The following ATP11C variants were observed in gnomAD, a reference collection of about 807,000 sequenced individuals.
ATP11C encodes phospholipid-transporting ATPase IG.
ATP11C carries 36 observed loss-of-function variants against 97.4 expected under a neutral mutation model. That is an observed-to-expected ratio of 0.37 (90% CI 0.28 to 0.49). The LOEUF (loss-of-function observed/expected upper bound fraction) is 0.49, where lower values mean the gene tolerates loss of function less well. ATP11C is among the 20% of genes least tolerant of loss of function. The pLI, the probability that ATP11C is intolerant of heterozygous loss-of-function variation, is 0.98. For missense variants in ATP11C, 730 were observed against 824.6 expected (o/e 0.89, Z 1.40); for synonymous variants, 275 against 290.9 (o/e 0.95, Z 0.56).
chrX:139,782,775 A>G (rs1361616554), intron 17 of ATP11C, 47 bp from the exon 18 acceptor site: 17 of 882,429 alleles, frequency 1.9e-5, no homozygotes, highest in Non-Finnish European at 2.7e-5. Flanking sequence ...AATAGTTGGA[A>G]AAAAAAAAAA....
chrX:139,871,103 A>ATG (rs1032955271), intron 1 of ATP11C, among the ~76,000 whole-genome samples: 3 of 106,642 alleles, frequency 2.8e-5, no homozygotes, highest in Non-Finnish European at 5.8e-5. Context: ...CACTGTGTAT[A>ATG]TGTGTGTGTG....
At chrX:139,871,550 A>C in intron 1 of ATP11C, among the ~76,000 whole-genome samples, 1 of 78,142 alleles carries the variant, frequency 1.3e-5, no homozygotes, top group Non-Finnish European at 2.4e-5. Context: ...ACAGGGTCTC[A>C]CTCTGGTTGT....
chrX:139,911,383 A>C (rs770318630), intron 1 of ATP11C, among the ~76,000 whole-genome samples: 2 of 112,306 alleles, frequency 1.8e-5, no homozygotes, highest in African/African-American at 6.5e-5. Flanking sequence ...GTTTAACTTC[A>C]TTAGTAATCA....
rs373248470 is a variant in ATP11C at position 139,774,812 on chromosome X, T to C, written c.2094A>G (p.Leu698=). ...CRLFQTNTEL[L]ELTTKTIEES... Reference sequence around the variant, plus strand: ...CTTCAATGGTTTTTGTGGTTAGTTCTAAGAGCTCAGTGTTGGTCTGGAAAA... The same window carrying C: ...CTTCAATGGTTTTTGTGGTTAGTTCCAAGAGCTCAGTGTTGGTCTGGAAAA... The change falls in exon 19 of 30, where the codon TTA becomes TTG. Residue 698 remains leucine, a synonymous_variant. Coordinates refer to ENST00000682941, the MANE Select transcript of ATP11C (RefSeq NM_001353812.2). The C allele has an allele frequency of 8.3e-7, 1 of 1,210,560 alleles. No individual in the cohort carries two copies. The highest frequency in any genetic ancestry group is 1.7e-5 in the African/African-American group (1 of 57,296).
intron 1 of ATP11C, among the ~76,000 whole-genome samples, chrX:139,918,862 G>A (rs1454603123): frequency 1.8e-5 from 2 of 110,835 alleles, no homozygotes; most frequent in African/African-American, 6.6e-5. Context: ...CTAGAGATCT[G>A]TTGCATACAA....
At chrX:139,930,150 C>G (rs1037843746) in intron 1 of ATP11C, among the ~76,000 whole-genome samples, 4 of 111,316 alleles carry the variant, frequency 3.6e-5, no homozygotes, top group Non-Finnish European at 7.5e-5. Flanking sequence ...TGATTCTCTG[C>G]TGAGATCTTG....
rs372027127 is a variant in ATP11C, at chrX:139,932,082, G to A, written c.-40C>T. On this transcript the variant is annotated 5_prime_UTR_variant, in exon 1 of 30. Coordinates refer to ENST00000682941, the MANE Select transcript of ATP11C (RefSeq NM_001353812.2). ...CCGGGCGCTGAGCTGGGCTCTACCGGGCTGTCTGGGAAGGCGCCGTCCACA... is the reference window on the plus strand; with the variant it reads ...CCGGGCGCTGAGCTGGGCTCTACCGAGCTGTCTGGGAAGGCGCCGTCCACA... 2 of 1,134,410 alleles carry A rather than the reference G, an allele frequency of 1.8e-6. No individual in the cohort carries two copies. Among genetic ancestry groups the A allele is most frequent in the African/African-American group, 1.8e-5 (1 of 55,500 alleles). 93.5% of individuals were successfully genotyped at this position (1,134,410 alleles called of 1,213,427 possible).
At chrX:139,781,670 T>C (rs1474342380) in intron 18 of ATP11C, among the ~76,000 whole-genome samples, 1 of 111,703 alleles carries the variant, frequency 9.0e-6, no homozygotes, top group Non-Finnish European at 1.9e-5. Flanking sequence ...TGAGCCGAGA[T>C]TGTGCCACTG....
rs140156289 is a variant in ATP11C at position 139,853,644 on chromosome X, G to A, written c.28-26821C>T. On this transcript the variant is annotated intron_variant, in intron 1 of 29. Transcript: ENST00000682941. ...GTCAGTGTAAACAAGGACGTAGCCCGAAAGCACTGAGGCCATGGACAACCC... is the reference window on the plus strand; with the variant it reads ...GTCAGTGTAAACAAGGACGTAGCCCAAAAGCACTGAGGCCATGGACAACCC... 5.5e-3 allele frequency among the ~76,000 whole-genome samples: 610 copies of A among 109,947 alleles called. 10 individuals are homozygous for A. The highest frequency in any genetic ancestry group is 0.018 in the African/African-American group (556 of 30,223).
intron 2 of ATP11C, among the ~76,000 whole-genome samples, chrX:139,820,043 C>T (rs1411527521): frequency 1.8e-5 from 2 of 111,294 alleles, no homozygotes; most frequent in Admixed American, 9.5e-5. Context: ...AAAAATTAGC[C>T]GGGTGTGGTG....
intron 1 of ATP11C, among the ~76,000 whole-genome samples, chrX:139,920,092 G>T (rs1364227174): frequency 9.0e-6 from 1 of 111,307 alleles, no homozygotes; most frequent in Non-Finnish European, 1.9e-5. Context: ...GGGCGCGGTG[G>T]CTCACGCCTA....
At chrX:139,806,291 A>C (rs150961350) in intron 5 of ATP11C, among the ~76,000 whole-genome samples, 1,632 of 111,818 alleles carry the variant, frequency 0.015, 22 homozygotes, top group Admixed American at 0.041. Context: ...AACATGATCT[A>C]GTTAGACAAT....
chrX:139,769,511 T>C (rs1018813280), intron 19 of ATP11C, among the ~76,000 whole-genome samples: 7 of 106,272 alleles, frequency 6.6e-5, no homozygotes, highest in South Asian at 4.3e-4. Context: ...GTGGTTCTCA[T>C]GTGTAGCCAG....
intron 1 of ATP11C, among the ~76,000 whole-genome samples, chrX:139,827,270 C>T (rs2083550740): frequency 1.8e-5 from 2 of 112,084 alleles, no homozygotes; most frequent in African/African-American, 3.2e-5. Context: ...ATGCAGATTA[C>T]TTCTAAACAC....
chrX:139,840,299 A>G (rs1001352857), intron 1 of ATP11C, among the ~76,000 whole-genome samples: 7 of 112,338 alleles, frequency 6.2e-5, no homozygotes, highest in Non-Finnish European at 1.3e-4. Flanking sequence ...ATTATGACAA[A>G]AACTTTGTAT....
intron 22 of ATP11C, 92 bp downstream of exon 22, chrX:139,761,869 A>AT (rs2082044718): frequency 3.1e-6 from 2 of 640,751 alleles, no homozygotes; most frequent in African/African-American, 4.7e-5. Flanking sequence ...CAAAAGCAGC[A>AT]TTAAAAAAAA....
intron 13 of ATP11C, among the ~76,000 whole-genome samples, chrX:139,788,618 G>A (rs1430394509): frequency 3.6e-5 from 4 of 111,696 alleles, no homozygotes; most frequent in Non-Finnish European, 7.5e-5. Flanking sequence ...CTTCTTCATG[G>A]CCTAAAAAAC....
At chrX:139,873,324 G>C (rs1474174456) in intron 1 of ATP11C, among the ~76,000 whole-genome samples, 2 of 112,018 alleles carry the variant, frequency 1.8e-5, no homozygotes, top group Non-Finnish European at 3.8e-5. Context: ...AATTTGTTTT[G>C]CAAGATGACA....
At chrX:139,859,029 AT>A (rs886084877) in intron 1 of ATP11C, among the ~76,000 whole-genome samples, 7 of 112,085 alleles carry the variant, frequency 6.2e-5, no homozygotes, top group South Asian at 3.7e-4. Context: ...AGATAATTAC[AT>A]TTTTTTTAAA....
Sources: allele counts gnomAD v4.1 joint callset (sites outside exome capture counted in the v4.1 genomes callset), GRCh38; gene constraint gnomAD v4.1.1; transcripts MANE v1.5; gene names NCBI Gene and HGNC (gene_info 2026-07-23, HGNC 2026-07-21).